Variants in TYR observed in about 807,000 individuals in gnomAD.
TYR encodes the protein tyrosinase.
TYR carries 58 observed loss-of-function variants against 51.5 expected under a neutral mutation model. That is an observed-to-expected ratio of 1.13 (90% CI 0.91 to 1.40). The LOEUF (loss-of-function observed/expected upper bound fraction) is 1.40. Among genes scored for constraint, TYR ranks in the 40% most tolerant of loss-of-function variants. The pLI is 0.00. For missense variants in TYR, 732 were observed against 647.4 expected, an observed-to-expected ratio of 1.13 and a Z score of -1.42; for synonymous variants, 263 against 235.2, an observed-to-expected ratio of 1.12 and a Z score of -1.08.
intron 1 of TYR, 124 bp downstream of exon 1, chr11:89,178,896 C>G: frequency 1.1e-6 from 1 of 933,400 alleles, no homozygotes; most frequent in South Asian, 1.4e-5. Flanking sequence ...GAAATGGTGC[C>G]CTGTTAAGAA....
intron 3 of TYR, among the ~76,000 whole-genome samples, chr11:89,276,184 C>T (rs1467956992): frequency 6.6e-6 from 1 of 151,812 alleles, no homozygotes; most frequent in Non-Finnish European, 1.5e-5. Flanking sequence ...ATGCCTCTGC[C>T]TCTATTTGGA....
intron 4 of TYR, among the ~76,000 whole-genome samples, chr11:89,291,704 C>T (rs1343301794): frequency 6.6e-6 from 1 of 151,900 alleles, no homozygotes; most frequent in African/African-American, 2.4e-5. Context: ...AGTCTTATAA[C>T]AAAATGTTTA....
chr11:89,222,210 G>A (rs766128160), intron 2 of TYR, among the ~76,000 whole-genome samples: 10 of 152,130 alleles, frequency 6.6e-5, no homozygotes, highest in Non-Finnish European at 1.5e-4. Flanking sequence ...CATGAGCTCA[G>A]GTTTAGAGAA....
chr11:89,226,365 T>G (rs182319678), intron 2 of TYR, among the ~76,000 whole-genome samples: 225 of 152,226 alleles, frequency 1.5e-3, no homozygotes, highest in Non-Finnish European at 2.1e-3. Context: ...TCCTTCTAAA[T>G]GTCACATAAA....
intron 4 of TYR, among the ~76,000 whole-genome samples, chr11:89,292,081 A>T (rs1281279874): frequency 6.6e-6 from 1 of 151,992 alleles, no homozygotes; most frequent in Non-Finnish European, 1.5e-5. Flanking sequence ...TTTATACCAA[A>T]TTTTAAAAGG....
At chr11:89,204,955 G>A (rs545361532) in intron 2 of TYR, among the ~76,000 whole-genome samples, 8 of 152,038 alleles carry the variant, frequency 5.3e-5, no homozygotes, top group South Asian at 4.2e-4. Flanking sequence ...CCGCAATTAC[G>A]TTTGTACCAA....
intron 3 of TYR, among the ~76,000 whole-genome samples, chr11:89,246,726 A>C (rs1406265166): frequency 6.6e-6 from 1 of 152,036 alleles, no homozygotes; most frequent in African/African-American, 2.4e-5. Context: ...TGCTAAGAAG[A>C]CTGTCCTAAC....
At chr11:89,248,461 C>T (rs1202569773) in intron 3 of TYR, among the ~76,000 whole-genome samples, 1 of 151,842 alleles carries the variant, frequency 6.6e-6, no homozygotes, top group South Asian at 2.1e-4. Context: ...CATAGAAATC[C>T]CTCTGGGACA....
chr11:89,221,395 T>C (rs1382558747), intron 2 of TYR, among the ~76,000 whole-genome samples: 2 of 152,228 alleles, frequency 1.3e-5, no homozygotes, highest in African/African-American at 4.8e-5. Flanking sequence ...AAGTATTTTC[T>C]AATAAACATA....
intron 2 of TYR, chr11:89,200,551 T>G (rs2135260943): frequency 9.7e-6 from 1 of 103,456 alleles, no homozygotes; most frequent in Non-Finnish European, 1.8e-5. Context: ...TTATGACTAC[T>G]TCTCATTTGT....
chr11:89,209,941 C>T (rs1396848747), intron 2 of TYR, among the ~76,000 whole-genome samples: 1 of 152,112 alleles, frequency 6.6e-6, no homozygotes, highest in Non-Finnish European at 1.5e-5. Flanking sequence ...ACAGGACATC[C>T]AAAGCAAAAC....
chr11:89,181,501 C>G (rs552258825), intron 1 of TYR, among the ~76,000 whole-genome samples: 1 of 152,302 alleles, frequency 6.6e-6, no homozygotes, highest in East Asian at 1.9e-4. Flanking sequence ...AAATTAAGAA[C>G]TAGACTATTT....
chr11:89,262,635 A>G (rs1334460348), intron 3 of TYR, among the ~76,000 whole-genome samples: 2 of 149,456 alleles, frequency 1.3e-5, no homozygotes, highest in Admixed American at 1.3e-4. Flanking sequence ...GATTCAAATT[A>G]CTAAAATCAG....
At chr11:89,272,570 C>G (rs1362387707) in intron 3 of TYR, among the ~76,000 whole-genome samples, 3 of 151,852 alleles carry the variant, frequency 2.0e-5, no homozygotes, top group Non-Finnish European at 4.4e-5. Context: ...TGAATAAGCA[C>G]TGGCTTCAAC....
At position 89,191,205 on chromosome 11, in the gene TYR, G is replaced by T. The variant is rs104894314; in HGVS notation, c.823G>T (p.Val275Phe). The change falls in exon 2 of 5, where the codon GTC (valine) becomes TTC (phenylalanine). Residue 275 changes from valine (V) to phenylalanine (F), a missense_variant. Coordinates refer to ENST00000263321, the MANE Select transcript of TYR (RefSeq NM_000372.5). ...AACATGAGGGTGTTTTGTACAGATTGTCTGTAGCCGATTGGAGGAGTACAA... is the reference window on the plus strand; with the variant it reads ...AACATGAGGGTGTTTTGTACAGATTTTCTGTAGCCGATTGGAGGAGTACAA... ...PASFFSSWQI[V>F]CSRLEEYNSH... The T allele has an allele frequency of 3.3e-4, 527 of 1,613,356 alleles. No individual in the cohort carries two copies. Among genetic ancestry groups the T allele is most frequent in the Non-Finnish European group, 4.0e-4 (470 of 1,179,578 alleles).
At chr11:89,262,938 T>C (rs1944479724) in intron 3 of TYR, among the ~76,000 whole-genome samples, 1 of 150,356 alleles carries the variant, frequency 6.7e-6, no homozygotes, top group African/African-American at 2.4e-5. Flanking sequence ...TTCTCACATG[T>C]TTAAAGAACA....
Position 89,257,471 on chromosome 11 carries a change from GTTATATAAACTTCAAATT to G in TYR, c.1185-27299_1185-27282del, listed in dbSNP as rs542978607. 4.5e-3 allele frequency among the ~76,000 whole-genome samples: 682 copies of G among 152,070 alleles called. 4 individuals carry two copies. The highest frequency in any genetic ancestry group is 7.7e-3 in the Non-Finnish European group (525 of 67,928). The stretch of plus-strand genomic sequence containing the variant: ...GCCATATTATCCGTCTCTGGGAGAT[GTTATATAAACTTCAAATT>G]TTGTCATGGTTTATATAAACATTCT... On this transcript the variant is annotated intron_variant, in intron 3 of 4. Transcript: ENST00000263321.
At chr11:89,274,969 A>T (rs1172451868) in intron 3 of TYR, among the ~76,000 whole-genome samples, 1 of 151,822 alleles carries the variant, frequency 6.6e-6, no homozygotes, top group Admixed American at 6.6e-5. Flanking sequence ...TAAGTTAGTC[A>T]TCATAGATAC....
chr11:89,223,524 C>T (rs1358557596), intron 2 of TYR, among the ~76,000 whole-genome samples: 1 of 152,042 alleles, frequency 6.6e-6, no homozygotes, highest in Admixed American at 6.5e-5. Context: ...TTGACAGGTG[C>T]CAGAGTAGAG....
Sources: allele counts gnomAD v4.1 joint callset (sites outside exome capture counted in the v4.1 genomes callset), GRCh38; gene constraint gnomAD v4.1.1; transcripts MANE v1.5; gene names NCBI Gene and HGNC (gene_info 2026-07-23, HGNC 2026-07-21).